The following TNFSF4 variants were observed in gnomAD, a reference collection of about 807,000 sequenced individuals.
TNFSF4 encodes tumor necrosis factor ligand superfamily member 4.
TNFSF4 carries 4 observed loss-of-function variants against 7.3 expected under a neutral mutation model. The observed-to-expected ratio is 0.55, with a 90% CI of 0.27 to 1.25. The LOEUF is 1.25. Ranked by LOEUF, TNFSF4 falls within the 50% of genes most tolerant of loss-of-function variation. TNFSF4 has a pLI of 0.12. For missense variants in TNFSF4, 181 were observed against 208.8 expected, an observed-to-expected ratio of 0.87 and a Z score of 0.82; for synonymous variants, 76 against 83.7, an observed-to-expected ratio of 0.91 and a Z score of 0.50.
chr1:173,225,165 T>C, the TNFSF4 span, among the ~76,000 whole-genome samples: 2 of 152,188 alleles, frequency 1.3e-5, no homozygotes, highest in Non-Finnish European at 2.9e-5. Context: ...GTTGGTTAAA[T>C]ACTACTGGAT....
the TNFSF4 span, among the ~76,000 whole-genome samples, chr1:173,430,419 G>A: frequency 5.3e-5 from 8 of 152,186 alleles, no homozygotes. Context: ...TGTTGGCATA[G>A]TTAGTTGAGA....
At chr1:173,287,992 A>G in the TNFSF4 span, among the ~76,000 whole-genome samples, 1 of 152,212 alleles carries the variant, frequency 6.6e-6, no homozygotes, top group Non-Finnish European at 1.5e-5. Context: ...TATGTATAAA[A>G]ATTCTTTGAA....
At chr1:173,318,210 G>T in the TNFSF4 span, among the ~76,000 whole-genome samples, 1 of 152,214 alleles carries the variant, frequency 6.6e-6, no homozygotes, top group Non-Finnish European at 1.5e-5. Context: ...GGAGGCCAAG[G>T]GGGGTGGATC....
At chr1:173,302,229 C>A in the TNFSF4 span, among the ~76,000 whole-genome samples, 1 of 151,792 alleles carries the variant, frequency 6.6e-6, no homozygotes, top group Non-Finnish European at 1.5e-5. Context: ...TTGTGTAAGA[C>A]CCTATTCTTT....
At chr1:173,275,343 A>G in the TNFSF4 span, among the ~76,000 whole-genome samples, 1 of 152,120 alleles carries the variant, frequency 6.6e-6, no homozygotes, top group Non-Finnish European at 1.5e-5. Flanking sequence ...GAGAAACTAT[A>G]TTATCTTTTT....
At chr1:173,396,699 A>T in the TNFSF4 span, among the ~76,000 whole-genome samples, 1 of 152,170 alleles carries the variant, frequency 6.6e-6, no homozygotes, top group Non-Finnish European at 1.5e-5. Context: ...ACAGTGAGGG[A>T]ATTTATATAT....
chr1:173,307,146 T>G, the TNFSF4 span, among the ~76,000 whole-genome samples: 1 of 151,896 alleles, frequency 6.6e-6, no homozygotes, highest in Non-Finnish European at 1.5e-5. Flanking sequence ...TTAAATCAAT[T>G]CATTCTCTAC....
chr1:173,174,739 G>C, the TNFSF4 span, among the ~76,000 whole-genome samples: 1 of 152,142 alleles, frequency 6.6e-6, no homozygotes, highest in Non-Finnish European at 1.5e-5. Context: ...GATGAGATTT[G>C]GGTGGGGACA....
chr1:173,380,256 A>G, the TNFSF4 span, among the ~76,000 whole-genome samples: 24 of 152,288 alleles, frequency 1.6e-4, no homozygotes, highest in Admixed American at 1.2e-3. Flanking sequence ...GGAGGGACAT[A>G]TTAGCCAAAG....
the TNFSF4 span, among the ~76,000 whole-genome samples, chr1:173,415,827 G>A: frequency 6.6e-6 from 1 of 152,204 alleles, no homozygotes; most frequent in African/African-American, 2.4e-5. Context: ...TCAGGAGCTG[G>A]GTTGAGGGCC....
chr1:173,395,905 G>GT, the TNFSF4 span, among the ~76,000 whole-genome samples: 3 of 152,002 alleles, frequency 2.0e-5, no homozygotes, highest in Non-Finnish European at 4.4e-5. Context: ...CCAACAACCA[G>GT]TGGTAGCACT....
the TNFSF4 span, among the ~76,000 whole-genome samples, chr1:173,173,712 A>G: frequency 1.3e-5 from 2 of 152,236 alleles, no homozygotes; most frequent in African/African-American, 4.8e-5. Context: ...TGAGCTGTAC[A>G]TTGGCCCTGT....
the TNFSF4 span, among the ~76,000 whole-genome samples, chr1:173,317,005 C>A: frequency 6.6e-5 from 10 of 152,174 alleles, no homozygotes; most frequent in Admixed American, 5.9e-4. Flanking sequence ...GTTTTAGTGA[C>A]TTACATAACC....
chr1:173,308,477 A>G, the TNFSF4 span, among the ~76,000 whole-genome samples: 1 of 151,392 alleles, frequency 6.6e-6, no homozygotes, highest in African/African-American at 2.4e-5. Flanking sequence ...AATAATTTTT[A>G]TTTTTCCATA....
chr1:173,352,847 A>G, the TNFSF4 span, among the ~76,000 whole-genome samples: 1 of 152,142 alleles, frequency 6.6e-6, no homozygotes, highest in Non-Finnish European at 1.5e-5. Context: ...CATAAGGCGG[A>G]CACCCCTAGA....
the TNFSF4 span, among the ~76,000 whole-genome samples, chr1:173,250,425 T>C: frequency 2.6e-5 from 4 of 152,112 alleles, no homozygotes; most frequent in African/African-American, 4.8e-5. Flanking sequence ...TACTGTCTTA[T>C]TCATTTCAGT....
At chr1:173,395,570 GCTTCT>G in the TNFSF4 span, among the ~76,000 whole-genome samples, 91 of 151,200 alleles carry the variant, frequency 6.0e-4, no homozygotes, top group Middle Eastern at 3.4e-3. Flanking sequence ...TGACTTAAAG[GCTTCT>G]ATGTGTGCCC....
chr1:173,413,216 G>A, the TNFSF4 span, among the ~76,000 whole-genome samples: 1 of 152,212 alleles, frequency 6.6e-6, no homozygotes, highest in African/African-American at 2.4e-5. Flanking sequence ...GAGAAAGACA[G>A]AGACACAGAG....
At chr1:173,336,227 A>C in the TNFSF4 span, among the ~76,000 whole-genome samples, 1 of 152,336 alleles carries the variant, frequency 6.6e-6, no homozygotes, top group East Asian at 1.9e-4. Context: ...TTCCTGAAGG[A>C]TTGCAGAGAT....
Sources: gnomAD v4.1 joint callset for allele counts (sites outside exome capture counted in the v4.1 genomes callset) on GRCh38, gnomAD v4.1.1 for gene constraint, MANE v1.5 for transcripts, NCBI Gene and HGNC (gene_info 2026-07-23, HGNC 2026-07-21) for gene names.